The following ABCD3 variants were observed in gnomAD, a reference collection of about 807,000 sequenced individuals.
ABCD3 encodes the protein ATP binding cassette subfamily D member 3, also known as ATP-binding cassette sub-family D member 3.
A neutral mutation model predicts 105.5 loss-of-function variants in ABCD3; 41 were observed. The observed-to-expected ratio is 0.39, with a 90% confidence interval of 0.30 to 0.50. The LOEUF is 0.50. ABCD3 is among the 20% of genes least tolerant of loss of function. The pLI, the probability that ABCD3 is intolerant of heterozygous loss-of-function variation, is 0.84. For missense variants in ABCD3, 622 were observed against 806.3 expected, an observed-to-expected ratio of 0.77 and a Z score of 2.77; for synonymous variants, 258 against 269.0, an observed-to-expected ratio of 0.96 and a Z score of 0.40.
At chr1:94,491,312 C>T in intron 16 of ABCD3, 65 bp downstream of exon 16, 1 of 1,215,496 alleles carries the variant, frequency 8.2e-7, no homozygotes, top group Non-Finnish European at 1.2e-6. Flanking sequence ...AAAAAGATTA[C>T]CTGAATATTT....
At chr1:94,411,415 C>A in the ABCD3 span, among the ~76,000 whole-genome samples, 1 of 152,012 alleles carries the variant, frequency 6.6e-6, no homozygotes, top group Non-Finnish European at 1.5e-5. Context: ...AAATCAAAAC[C>A]ACAATGAGAC....
intron 8 of ABCD3, among the ~76,000 whole-genome samples, chr1:94,478,896 T>G (rs1003300913): frequency 6.6e-6 from 1 of 152,218 alleles, no homozygotes; most frequent in Non-Finnish European, 1.5e-5. Context: ...TATCCAAGTC[T>G]CTGATATTTG....
At chr1:94,469,423 A>G (rs76588293) in intron 4 of ABCD3, among the ~76,000 whole-genome samples, 5,140 of 150,772 alleles carry the variant, frequency 0.034, 238 homozygotes, top group African/African-American at 0.099. Flanking sequence ...ATACTTTGGT[A>G]GTTGCGTTTC....
At chr1:94,492,618 A>G (rs993119829) in intron 16 of ABCD3, among the ~76,000 whole-genome samples, 1 of 152,156 alleles carries the variant, frequency 6.6e-6, no homozygotes, top group African/African-American at 2.4e-5. Context: ...TTCCTTTGGC[A>G]AAGTAGGTAG....
intron 13 of ABCD3, among the ~76,000 whole-genome samples, 171 bp downstream of exon 13, chr1:94,488,154 T>C (rs1285769455): frequency 6.6e-6 from 1 of 152,310 alleles, no homozygotes; most frequent in East Asian, 1.9e-4. Flanking sequence ...TTCATGTTTC[T>C]TGAGGACAGC....
chr1:94,500,397 C>T (rs940680177), intron 20 of ABCD3, among the ~76,000 whole-genome samples: 1 of 152,092 alleles, frequency 6.6e-6, no homozygotes, highest in Non-Finnish European at 1.5e-5. Context: ...TGTGATCACA[C>T]ACCGTGGCAC....
intron 1 of ABCD3, among the ~76,000 whole-genome samples, chr1:94,423,994 G>A (rs1190403758): frequency 2.0e-5 from 3 of 152,134 alleles, no homozygotes; most frequent in Non-Finnish European, 2.9e-5. Flanking sequence ...GGGCTAGAGC[G>A]GCTTGAGACC....
intron 4 of ABCD3, among the ~76,000 whole-genome samples, chr1:94,471,444 A>G (rs1253161988): frequency 2.0e-5 from 3 of 151,324 alleles, no homozygotes; most frequent in Non-Finnish European, 4.4e-5. Flanking sequence ...TACAGTCTCA[A>G]TTACACGGGA....
In ABCD3 at chr1:94,445,923, G is replaced by A. The variant is rs369614199; in HGVS notation, c.111-12684G>A. The stretch of plus-strand genomic sequence containing the variant: ...TTATATCAAGGCCTGTGATGGTATC[G>A]TAGGTAATCTGCCTAAGGCTACTCT... On this transcript the variant is annotated intron_variant, in intron 1 of 22. Transcript: ENST00000370214. 1.2e-4 allele frequency among the ~76,000 whole-genome samples: 18 copies of A among 152,258 alleles called. No homozygotes were observed. In the South Asian group the frequency reaches 3.1e-3, roughly 26 times the overall value.
chr1:94,455,087 G>C (rs191441017), intron 1 of ABCD3, among the ~76,000 whole-genome samples: 1 of 152,208 alleles, frequency 6.6e-6, no homozygotes, highest in East Asian at 1.9e-4. Context: ...TGTTTAAATG[G>C]TTGCTAAGTG....
the ABCD3 span, among the ~76,000 whole-genome samples, chr1:94,392,031 G>A: frequency 1.3e-5 from 2 of 152,226 alleles, no homozygotes; most frequent in South Asian, 2.1e-4. Context: ...GAAAGTTGGG[G>A]TTTTTTCTTT....
At position 94,516,926 on chromosome 1, in the gene ABCD3, AT is replaced by A. The variant is rs1310583669; in HGVS notation, c.1903-123del. 5.3e-6 allele frequency: 4 copies of A among 755,992 alleles called. No homozygotes were observed. The East Asian group carries it at 1.0e-4, about 19-fold the overall frequency. The allele number at this position is 755,992 out of a possible 1,614,324, so 46.8% of individuals were successfully genotyped here. On this transcript the variant is annotated intron_variant, in intron 22 of 22. Transcript: ENST00000370214. ...GTCATGGAGTTACGGAAGCATTCTG[AT>A]TTGTGGGATGCTTATAGATTTAGCT...
upstream of ABCD3, among the ~76,000 whole-genome samples, chr1:94,416,412 A>AT (rs746046456): frequency 1.9e-4 from 29 of 152,022 alleles, no homozygotes; most frequent in African/African-American, 5.8e-4. Flanking sequence ...TTTATACTTG[A>AT]TTTTTTTTAC....
intron 1 of ABCD3, among the ~76,000 whole-genome samples, chr1:94,438,425 A>G (rs146758618): frequency 2.0e-5 from 3 of 152,160 alleles, no homozygotes; most frequent in African/African-American, 7.2e-5. Flanking sequence ...CTTGGTGAAG[A>G]TGATGTGAAC....
At chr1:94,398,807 T>G in the ABCD3 span, among the ~76,000 whole-genome samples, 2 of 151,956 alleles carry the variant, frequency 1.3e-5, no homozygotes, top group African/African-American at 4.8e-5. Flanking sequence ...CCAGCTACTC[T>G]GGAGGCTGAG....
In ABCD3 at chr1:94,473,329, A is replaced by T. The variant is rs542368674; in HGVS notation, c.336-437A>T. Among the ~76,000 whole-genome samples, 226 of 152,282 alleles carry T rather than the reference A, an allele frequency of 1.5e-3. 2 individuals are homozygous for T. The highest frequency in any genetic ancestry group is 2.8e-4 in the Non-Finnish European group (19 of 68,008). Reference sequence around the variant, plus strand: ...TACTCTTGACCCTTTGCTGATCCCCATTAAGTCTGTCTCCCTGCCATTAGT... The same window carrying T: ...TACTCTTGACCCTTTGCTGATCCCCTTTAAGTCTGTCTCCCTGCCATTAGT... On this transcript the variant is annotated intron_variant, in intron 4 of 22. Transcript: ENST00000370214.
At chr1:94,436,822 T>C (rs1659923648) in intron 1 of ABCD3, among the ~76,000 whole-genome samples, 2 of 152,204 alleles carry the variant, frequency 1.3e-5, no homozygotes, top group Non-Finnish European at 2.9e-5. Flanking sequence ...GTTAGCCAAG[T>C]TGTGAATGCA....
rs1220078998 is a variant in ABCD3 at position 94,487,285 on chromosome 1, A to G, written c.898-257A>G. Among the ~76,000 whole-genome samples the G allele has an allele frequency of 2.0e-5, 3 of 152,324 alleles. No homozygotes were observed. The South Asian group carries it at 6.2e-4, about 32-fold the overall frequency. On this transcript the variant is annotated intron_variant, in intron 10 of 22. Transcript: ENST00000370214. ...TGCTATTGCATGCAAGAGAAACAGC[A>G]TTGTTAAAATTGTTTATGTAATTTC...
At chr1:94,428,039 C>G (rs1024418016) in intron 1 of ABCD3, among the ~76,000 whole-genome samples, 5 of 148,460 alleles carry the variant, frequency 3.4e-5, no homozygotes, top group Non-Finnish European at 7.4e-5. Flanking sequence ...TTGAAGCCTT[C>G]TTAGGTAAAA....
Sources: gnomAD v4.1 joint callset for allele counts (sites outside exome capture counted in the v4.1 genomes callset) on GRCh38, gnomAD v4.1.1 for gene constraint, MANE v1.5 for transcripts, NCBI Gene and HGNC (gene_info 2026-07-23, HGNC 2026-07-21) for gene names.